The following HYOU1 variants were observed in gnomAD, a reference collection of about 807,000 sequenced individuals.
The protein encoded by HYOU1 is hypoxia up-regulated protein 1.
A neutral mutation model predicts 120.5 loss-of-function variants in HYOU1; 40 were observed. The observed-to-expected ratio is 0.33, with a 90% CI of 0.26 to 0.43. The LOEUF (loss-of-function observed/expected upper bound fraction) is 0.43, where lower values mean the gene tolerates loss of function less well. Ranked by LOEUF, HYOU1 falls within the 20% of genes least tolerant of loss-of-function variation. HYOU1 has a pLI of 1.00. For missense variants in HYOU1, 1,085 were observed against 1,278.3 expected (o/e 0.85, Z 2.31); for synonymous variants, 501 against 479.4 (o/e 1.05, Z -0.59).
At position 119,045,477 on chromosome 11, in the gene HYOU1, T is replaced by G; in HGVS notation, c.*116A>C. The stretch of plus-strand genomic sequence containing the variant: ...TCTCCACACCTCCAAATCACAGGGG[T>G]GAGAAAGGAACTCCAGCCGAGGGCA... On this transcript the variant is annotated 3_prime_UTR_variant, in exon 26 of 26. Coordinates refer to ENST00000617285, the MANE Select transcript of HYOU1 (RefSeq NM_006389.5). 1 of 892,102 alleles carries G rather than the reference T, an allele frequency of 1.1e-6. No homozygotes were observed. The highest frequency in any genetic ancestry group is 1.9e-6 in the Non-Finnish European group (1 of 529,846). 55.3% of individuals were successfully genotyped at this position (892,102 alleles called of 1,614,324 possible). A position where few individuals can be genotyped will look rare whatever the true frequency, so the allele number is the denominator to read the frequency against.
rs2133586284 is a variant in HYOU1, at chr11:119,051,614, C to T, written c.1350G>A (p.Thr450=). ...TCCCAGGCTCCTCCTCCACCTCCCT[C>T]GTGAACTCCACCTACACAGCAGGCA... ...AVVYPILVEF[T]REVEEEPGIH... Residue 450 remains threonine, a synonymous_variant, in exon 13 of 26, where the codon ACG becomes ACA. Coordinates refer to ENST00000617285, the MANE Select transcript of HYOU1 (RefSeq NM_006389.5). This position sits in a 1 kb window ranked among gnomAD's most constrained non-coding sequence, Gnocchi z 4.2. 6.2e-6 allele frequency: 10 copies of T among 1,613,924 alleles called. No homozygotes were observed. The highest frequency in any genetic ancestry group is 2.7e-5 in the African/African-American group (2 of 74,888).
intron 24 of HYOU1, 148 bp from the exon 25 acceptor site, chr11:119,045,979 G>C: frequency 1.2e-6 from 1 of 818,402 alleles, no homozygotes. Flanking sequence ...TGTTTTTTGA[G>C]ACAGAGTCTC....
rs2133551324 is a variant in HYOU1, at chr11:119,046,600, C to T, written c.2798G>A (p.Ser933Asn). 6.2e-7 allele frequency: 1 copy of T among 1,614,020 alleles called. No individual in the cohort carries two copies. The highest frequency in any genetic ancestry group is 2.2e-5 in the East Asian group (1 of 44,888). ...GACCTTCTCCCCCTGGTCACTGGCA[C>T]TGGCATTGAGGGGTGGCTCTGCCCG... ...GTRAEPPLNA[S>N]ASDQGEKVIP... is the part of the protein sequence containing the mutation. The change falls in exon 23 of 26, where the codon AGT (serine) becomes AAT (asparagine). Residue 933 changes from serine to asparagine, a missense_variant. Ser to Asn is a conservative substitution (Grantham distance 46). This residue lies in a region of HYOU1 where 516 missense variants were observed against 517.1 expected (regional missense o/e 1.00). Coordinates refer to ENST00000617285, the MANE Select transcript of HYOU1 (RefSeq NM_006389.5).
In HYOU1 at chr11:119,056,813, G is replaced by A. The variant is rs552967437; in HGVS notation, c.-8+207C>T. The A allele has an allele frequency of 1.7e-5, 3 of 175,896 alleles. No individual in the cohort carries two copies. In the South Asian group the frequency reaches 3.5e-4, roughly 21 times the overall value. The allele number at this position is 175,896 out of a possible 1,614,324, so 10.9% of individuals were successfully genotyped here. Reference sequence around the variant, plus strand: ...GTTCACCTAAACCCCACCTGACGAAGGCGGCGGCTCCCACTCCCGGAAACG... The same window carrying A: ...GTTCACCTAAACCCCACCTGACGAAAGCGGCGGCTCCCACTCCCGGAAACG... On this transcript the variant is annotated intron_variant, in intron 1 of 25. Coordinates refer to ENST00000617285, the MANE Select transcript of HYOU1 (RefSeq NM_006389.5).
In HYOU1 at chr11:119,051,451, G is replaced by A; in HGVS notation, c.1513C>T (p.Pro505Ser). The A allele has an allele frequency of 1.9e-6, 3 of 1,614,026 alleles. No homozygotes were observed. The highest frequency in any genetic ancestry group is 2.5e-6 in the Non-Finnish European group (3 of 1,179,988). Reference sequence around the variant, plus strand: ...CCTGCCCCTCACCGAAGATCTTCAGGCCCCAGGAAGCCCAGGTCGCCGTAG... The same window carrying A: ...CCTGCCCCTCACCGAAGATCTTCAGACCCCAGGAAGCCCAGGTCGCCGTAG... ...INYGDLGFLG[P>S]EDLRVFGSQN... is the part of the protein sequence containing the mutation. Residue 505 changes from proline (P) to serine (S), a missense_variant, in exon 13 of 26, where the codon CCT (proline) becomes TCT (serine). Physicochemically the swap from Pro to Ser is moderately conservative, Grantham distance 74 (BLOSUM62 -1). Coordinates refer to ENST00000617285, the MANE Select transcript of HYOU1 (RefSeq NM_006389.5). This position sits in a 1 kb window ranked among gnomAD's most constrained non-coding sequence, Gnocchi z 4.2.
Position 119,048,412 on chromosome 11 carries a change from G to C in HYOU1, c.2254-42C>G. The stretch of plus-strand genomic sequence containing the variant: ...GTAAACACATGCACCCACAAGCCCA[G>C]AGGCAAGGCCCACAGAGCCAGGTGT... On this transcript the variant is annotated intron_variant, in intron 19 of 25. Transcript: ENST00000617285. This position sits in a 1 kb window ranked among gnomAD's most constrained non-coding sequence, Gnocchi z 4.7. 2 of 1,611,616 alleles carry C rather than the reference G, an allele frequency of 1.2e-6. No homozygotes were observed. Among genetic ancestry groups the C allele is most frequent in the Non-Finnish European group, 1.7e-6 (2 of 1,179,620 alleles).
intron 15 of HYOU1, 26 bp downstream of exon 15, chr11:119,049,751 C>G (rs1944310970): frequency 6.2e-7 from 1 of 1,612,332 alleles, no homozygotes; most frequent in Non-Finnish European, 8.5e-7. Flanking sequence ...TATTCTCTCC[C>G]ATACACACAT....
Position 119,052,883 on chromosome 11 carries a change from T to C in HYOU1, c.795-54A>G, listed in dbSNP as rs1221647467. The C allele has an allele frequency of 6.6e-7, 1 of 1,511,636 alleles. No homozygotes were observed. Among genetic ancestry groups the C allele is most frequent in the Admixed American group, 2.0e-5 (1 of 51,042 alleles). 93.6% of individuals were successfully genotyped at this position (1,511,636 alleles called of 1,614,324 possible). Reference sequence around the variant, plus strand: ...GTGAAGAACACATGGAGTCCCCGCATCTGCACAGGAGCCTCTCATCCCCAC... The same window carrying C: ...GTGAAGAACACATGGAGTCCCCGCACCTGCACAGGAGCCTCTCATCCCCAC... On this transcript the variant is annotated intron_variant, in intron 8 of 25. Coordinates refer to ENST00000617285, the MANE Select transcript of HYOU1 (RefSeq NM_006389.5). The surrounding 1 kb of genome is among the most constrained non-coding windows in gnomAD (Gnocchi z 5.0).
rs1261299011 is a variant in HYOU1 at position 119,048,883 on chromosome 11, G to C, written c.1996C>G (p.Pro666Ala). ...GGCCCTGCCTCTGCCTTCTCACTTG[G>C]TTTCTGGGTGGGAAGAGTCAGGGGT... The part of the protein sequence containing the change: ...ENGDKSEAQK[P>A]SEKAEAGPEG... Residue 666 changes from proline (P) to alanine (A), a missense_variant, in exon 18 of 26, where the codon CCA becomes GCA. Pro to Ala is a conservative substitution (Grantham distance 27). This residue lies in a region of HYOU1 where 516 missense variants were observed against 517.1 expected (regional missense o/e 1.00). Transcript: ENST00000617285. This position sits in a 1 kb window ranked among gnomAD's most constrained non-coding sequence, Gnocchi z 4.7. 6.2e-7 allele frequency: 1 copy of C among 1,605,596 alleles called. No homozygotes were observed. The highest frequency in any genetic ancestry group is 1.3e-5 in the African/African-American group (1 of 74,514).
At position 119,054,511 on chromosome 11, in the gene HYOU1, T is replaced by C. The variant is rs1234496266; in HGVS notation, c.661A>G (p.Ile221Val). 1.2e-6 allele frequency: 2 copies of C among 1,614,088 alleles called. No homozygotes were observed. The highest frequency in any genetic ancestry group is 1.3e-5 in the African/African-American group (1 of 74,922). Reference sequence around the variant, plus strand: ...TGGCTCACCTGGGCAGTGGTGTTAATATCTTTCCGGCGGAAGACACCATAG... The same window carrying C: ...TGGCTCACCTGGGCAGTGGTGTTAACATCTTTCCGGCGGAAGACACCATAG... ...LSYGVFRRKD[I>V]NTTAQNIMFY... Residue 221 changes from isoleucine (I) to valine (V), a missense_variant, in exon 7 of 26, where the codon ATT becomes GTT. Physicochemically the swap from Ile to Val is conservative, Grantham distance 29. This residue lies in a region of HYOU1 where 515 missense variants were observed against 677.8 expected (regional missense o/e 0.76). Transcript: ENST00000617285.
chr11:119,056,644 G>A (rs543472792), intron 1 of HYOU1, among the ~76,000 whole-genome samples: 2 of 152,372 alleles, frequency 1.3e-5, no homozygotes, highest in South Asian at 2.1e-4. Flanking sequence ...CTAGGATGAA[G>A]GAAAGGCCTA....
In HYOU1 at chr11:119,055,469, T is replaced by C. The variant is rs1410118304; in HGVS notation, c.264+24A>G. On this transcript the variant is annotated intron_variant, in intron 4 of 25. Transcript: ENST00000617285. The surrounding 1 kb of genome is among the most constrained non-coding windows in gnomAD (Gnocchi z 4.0). ...ATCTCCTCTCCTCTGCCCACCACTC[T>C]GGGAAGAGGGACTGCTAGCTCACCA... is the stretch of plus-strand genomic sequence containing the variant. 1 of 1,612,580 alleles carries C rather than the reference T, an allele frequency of 6.2e-7. No homozygotes were observed. The highest frequency in any genetic ancestry group is 8.5e-7 in the Non-Finnish European group (1 of 1,178,696).
rs141130936 is a variant in HYOU1 at position 119,050,666 on chromosome 11, C to T, written c.1665+369G>A. Reference sequence around the variant, plus strand: ...AGCCCAAGTGTTCAAGGCTGGAATGCGCTATGACCATGCCATTATATTCCA... The same window carrying T: ...AGCCCAAGTGTTCAAGGCTGGAATGTGCTATGACCATGCCATTATATTCCA... On this transcript the variant is annotated intron_variant, in intron 14 of 25. Coordinates refer to ENST00000617285, the MANE Select transcript of HYOU1 (RefSeq NM_006389.5). Among the ~76,000 whole-genome samples the T allele has an allele frequency of 4.4e-3, 540 of 123,444 alleles. 4 individuals are homozygous for T. The highest frequency in any genetic ancestry group is 0.015 in the African/African-American group (497 of 32,484). The allele number at this position is 123,444 out of a possible 152,430, so 81.0% of individuals were successfully genotyped here.
chr11:119,048,570 G>C lies in HYOU1; in HGVS notation c.2166-7C>G. On this transcript the variant is annotated splice_region_variant and splice_polypyrimidine_tract_variant and intron_variant, in intron 18 of 25. Coordinates refer to ENST00000617285, the MANE Select transcript of HYOU1 (RefSeq NM_006389.5). The surrounding 1 kb of genome is among the most constrained non-coding windows in gnomAD (Gnocchi z 4.7). Reference sequence around the variant, plus strand: ...GAGTGTCAAGTCCTGAAGTCTATGGGACAAAGGAGGGGTAGGGATGAGGGA... The same window carrying C: ...GAGTGTCAAGTCCTGAAGTCTATGGCACAAAGGAGGGGTAGGGATGAGGGA... The C allele has an allele frequency of 6.2e-7, 1 of 1,613,754 alleles. No individual in the cohort carries two copies. The highest frequency in any genetic ancestry group is 8.5e-7 in the Non-Finnish European group (1 of 1,179,826).
chr11:119,050,471 C>T (rs1447150942), intron 14 of HYOU1, among the ~76,000 whole-genome samples: 1 of 151,986 alleles, frequency 6.6e-6, no homozygotes, highest in African/African-American at 2.4e-5. Context: ...AATCCCTGTA[C>T]TTTGGGAGGT....
intron 14 of HYOU1, 120 bp downstream of exon 14, chr11:119,050,915 T>G (rs1944403388): frequency 3.4e-6 from 4 of 1,190,468 alleles, no homozygotes; most frequent in Non-Finnish European, 2.4e-6. Context: ...GAGCCAACAT[T>G]TTTCTGATTC....
At position 119,052,945 on chromosome 11, in the gene HYOU1, T is replaced by G; in HGVS notation, c.795-116A>C. 2 of 940,272 alleles carry G rather than the reference T, an allele frequency of 2.1e-6. No homozygotes were observed. Among genetic ancestry groups the G allele is most frequent in the Non-Finnish European group, 1.6e-6 (1 of 638,584 alleles). The allele number at this position is 940,272 out of a possible 1,614,324, so 58.2% of individuals were successfully genotyped here. A position where few individuals can be genotyped will look rare whatever the true frequency, so the allele number is the denominator to read the frequency against. Reference sequence around the variant, plus strand: ...CCTTCATCTCAGGGGACCTTGTTCATCTCCAGTGCCCCATGTGTGGACACA... The same window carrying G: ...CCTTCATCTCAGGGGACCTTGTTCAGCTCCAGTGCCCCATGTGTGGACACA... On this transcript the variant is annotated intron_variant, in intron 8 of 25. Coordinates refer to ENST00000617285, the MANE Select transcript of HYOU1 (RefSeq NM_006389.5). The surrounding 1 kb of genome is among the most constrained non-coding windows in gnomAD (Gnocchi z 5.0).
chr11:119,055,936 C>T lies in HYOU1; in HGVS notation c.92-93G>A, dbSNP rs558365620. Reference sequence around the variant, plus strand: ...AAGCATACCACTTTCCATGGGTAAACGAAGATGGCAAAAGACAAAAAGGCC... The same window carrying T: ...AAGCATACCACTTTCCATGGGTAAATGAAGATGGCAAAAGACAAAAAGGCC... On this transcript the variant is annotated intron_variant, in intron 2 of 25. Transcript: ENST00000617285. The surrounding 1 kb of genome is among the most constrained non-coding windows in gnomAD (Gnocchi z 4.0). 99 of 1,398,828 alleles carry T rather than the reference C, an allele frequency of 7.1e-5. No homozygotes were observed. In the Middle Eastern group the frequency reaches 8.9e-4, roughly 13 times the overall value. 86.7% of individuals were successfully genotyped at this position (1,398,828 alleles called of 1,614,324 possible).
In HYOU1 at chr11:119,046,808, G is replaced by A; in HGVS notation, c.2596-6C>T. 6.3e-7 allele frequency: 1 copy of A among 1,598,764 alleles called. No homozygotes were observed. The highest frequency in any genetic ancestry group is 8.5e-7 in the Non-Finnish European group (1 of 1,179,810). ...AGAGTTGCATTCTTCCAGGCCTGTG[G>A]GTGAGACCAGGAGAGGCTCCAAGCT... is the stretch of plus-strand genomic sequence containing the variant. On this transcript the variant is annotated splice_region_variant and splice_polypyrimidine_tract_variant and intron_variant, in intron 22 of 25. Transcript: ENST00000617285.
Sources: gnomAD v4.1 joint callset for allele counts (sites outside exome capture counted in the v4.1 genomes callset) on GRCh38, gnomAD v4.1.1 for gene constraint, gnomAD v4.1.1 regional missense constraint, Gnocchi (gnomAD v3.1) non-coding constraint, MANE v1.5 for transcripts, NCBI Gene and HGNC (gene_info 2026-07-23, HGNC 2026-07-21) for gene names.